SOX5: variants seen among roughly 807,000 people sequenced by gnomAD.
SOX5 encodes transcription factor SOX-5.
In SOX5, 9 loss-of-function variants were observed where a neutral mutation model predicts 92.0. That is an observed-to-expected ratio of 0.10 (90% CI 0.06 to 0.17). The LOEUF is 0.17. Ranked by LOEUF, SOX5 falls within the 10% of genes least tolerant of loss-of-function variation. The probability of loss-of-function intolerance (pLI) is 1.00; values close to 1 mark genes in which losing one functional copy is unlikely to be tolerated. For missense variants in SOX5, 642 were observed against 944.5 expected, an observed-to-expected ratio of 0.68 and a Z score of 4.20; for synonymous variants, 344 against 336.3, an observed-to-expected ratio of 1.02 and a Z score of -0.25.
At chr12:23,720,613 TA>T (rs774540647) in intron 6 of SOX5, among the ~76,000 whole-genome samples, 14 of 151,264 alleles carry the variant, frequency 9.3e-5, no homozygotes, top group South Asian at 4.2e-4. Context: ...AAATGATCTT[TA>T]AAAAAAAATA....
intron 3 of SOX5, among the ~76,000 whole-genome samples, chr12:23,830,858 C>T (rs1266474530): frequency 1.3e-5 from 2 of 152,094 alleles, no homozygotes; most frequent in Non-Finnish European, 2.9e-5. Flanking sequence ...GGCTGCTCAA[C>T]AACAGACATT....
chr12:24,367,106 C>T (rs1956252929), intron 2 of SOX5, among the ~76,000 whole-genome samples: 1 of 152,070 alleles, frequency 6.6e-6, no homozygotes, highest in Admixed American at 6.6e-5. Context: ...AATTTTTATG[C>T]ATTCTGATCT....
Position 24,111,326 on chromosome 12 carries a change from T to A in SOX5, c.-2+102017A>T, listed in dbSNP as rs552184463. On this transcript the variant is annotated intron_variant, in intron 4 of 4. Transcript: ENST00000446891. ...GACAGTCATCATCTGTACTCATGCT[T>A]CAAGGAATGAAGAATTTATACAATG... is the stretch of plus-strand genomic sequence containing the variant. 3.3e-5 allele frequency among the ~76,000 whole-genome samples: 5 copies of A among 152,318 alleles called. No individual in the cohort carries two copies. In the South Asian group the frequency reaches 1.0e-3, roughly 32 times the overall value.
chr12:24,241,647 G>T (rs537977550), intron 3 of SOX5, among the ~76,000 whole-genome samples: 16 of 152,268 alleles, frequency 1.1e-4, no homozygotes, highest in Non-Finnish European at 2.9e-5. Flanking sequence ...AGAAGACACT[G>T]AAAAATGTAC....
At chr12:24,225,199 G>A (rs1403017718) in intron 3 of SOX5, among the ~76,000 whole-genome samples, 1 of 152,150 alleles carries the variant, frequency 6.6e-6, no homozygotes, top group Non-Finnish European at 1.5e-5. Context: ...AGGAATGTCA[G>A]GACCAAAATT....
At chr12:24,141,457 T>C (rs987768894) in intron 4 of SOX5, among the ~76,000 whole-genome samples, 8 of 152,164 alleles carry the variant, frequency 5.3e-5, no homozygotes. Context: ...ACAGGCCAAT[T>C]AGCACTATTA....
At chr12:23,726,033 T>C (rs1018713843) in intron 6 of SOX5, among the ~76,000 whole-genome samples, 1 of 152,038 alleles carries the variant, frequency 6.6e-6, no homozygotes, top group African/African-American at 2.4e-5. Flanking sequence ...GTGTCCTTAA[T>C]TCCCTACTCA....
chr12:24,519,258 G>C (rs1286004163), intron 1 of SOX5, among the ~76,000 whole-genome samples: 2 of 151,990 alleles, frequency 1.3e-5, no homozygotes, highest in African/African-American at 4.8e-5. Flanking sequence ...GGACATATAG[G>C]AATGAACAGA....
intron 1 of SOX5, among the ~76,000 whole-genome samples, chr12:24,423,230 A>G (rs1434432544): frequency 6.6e-6 from 1 of 152,194 alleles, no homozygotes. Context: ...CTGTGGAAGG[A>G]CATAAGGTAA....
In SOX5 at chr12:24,199,980, T is replaced by A. The variant is rs112159569; in HGVS notation, c.-2+13363A>T. Among the ~76,000 whole-genome samples, 1,343 of 152,212 alleles carry A rather than the reference T, an allele frequency of 8.8e-3. 21 individuals are homozygous for A. Among genetic ancestry groups the A allele is most frequent in the African/African-American group, 0.031 (1,308 of 41,534 alleles). ...TAGAATCTTACTAATTTGAAATAGA[T>A]AAAGGATATTATTCATTTATTAGTT... On this transcript the variant is annotated intron_variant, in intron 4 of 4. Transcript: ENST00000446891.
At chr12:23,820,931 T>G (rs1403485862) in intron 3 of SOX5, among the ~76,000 whole-genome samples, 1 of 152,172 alleles carries the variant, frequency 6.6e-6, no homozygotes, top group Admixed American at 6.5e-5. Flanking sequence ...CATATGAAAT[T>G]TGAAGTAGTT....
intron 1 of SOX5, among the ~76,000 whole-genome samples, chr12:24,505,785 C>T (rs780573164): frequency 6.6e-6 from 1 of 151,742 alleles, no homozygotes; most frequent in Non-Finnish European, 1.5e-5. Flanking sequence ...TGCTTCCTTG[C>T]TTAGGAGTTT....
At chr12:24,232,107 T>TC (rs2139951008) in intron 3 of SOX5, among the ~76,000 whole-genome samples, 1 of 152,288 alleles carries the variant, frequency 6.6e-6, no homozygotes, top group South Asian at 2.1e-4. Flanking sequence ...CTGTGTTTTT[T>TC]CTTTTTTTTC....
chr12:23,795,023 A>T (rs2142031617), intron 3 of SOX5, among the ~76,000 whole-genome samples: 1 of 152,246 alleles, frequency 6.6e-6, no homozygotes, highest in Non-Finnish European at 1.5e-5. Context: ...CTGGAATAAC[A>T]TCCAGTGGCT....
chr12:23,918,732 C>T (rs1322460059), intron 1 of SOX5, among the ~76,000 whole-genome samples: 1 of 151,674 alleles, frequency 6.6e-6, no homozygotes, highest in Non-Finnish European at 1.5e-5. Context: ...TTGTGGCCAA[C>T]GTGGTGAAAC....
intron 1 of SOX5, among the ~76,000 whole-genome samples, chr12:24,554,292 A>G (rs1319421013): frequency 6.6e-6 from 1 of 152,244 alleles, no homozygotes; most frequent in African/African-American, 2.4e-5. Context: ...AACCTGCCAC[A>G]ATGGAGGATT....
chr12:23,734,937 A>G (rs1278013185), intron 5 of SOX5, among the ~76,000 whole-genome samples, 185 bp from the exon 6 acceptor site: 1 of 152,194 alleles, frequency 6.6e-6, no homozygotes, highest in African/African-American at 2.4e-5. Context: ...AGTCTTTAGG[A>G]ACAGTTATGT....
intron 4 of SOX5, among the ~76,000 whole-genome samples, chr12:23,969,097 G>A (rs1947930473): frequency 6.6e-6 from 1 of 151,810 alleles, no homozygotes; most frequent in Non-Finnish European, 1.5e-5. Flanking sequence ...TAATTGTTTG[G>A]GCCAAAAACC....
chr12:23,611,095 C>T (rs2075892745), intron 8 of SOX5, among the ~76,000 whole-genome samples: 1 of 152,016 alleles, frequency 6.6e-6, no homozygotes, highest in Non-Finnish European at 1.5e-5. Context: ...TTTTAGTTTG[C>T]TTAAAGTTTA....
Sources: allele counts gnomAD v4.1 joint callset (sites outside exome capture counted in the v4.1 genomes callset), GRCh38; gene constraint gnomAD v4.1.1; transcripts MANE v1.5; gene names NCBI Gene and HGNC (gene_info 2026-07-23, HGNC 2026-07-21).